Variants in GREB1L observed in about 807,000 individuals in gnomAD.
GREB1L encodes GREB1-like protein.
In GREB1L, 17 loss-of-function variants were observed where a neutral mutation model predicts 200.8. That is an observed-to-expected ratio of 0.08 (90% confidence interval 0.06 to 0.13). GREB1L has a LOEUF of 0.13. Among genes scored for constraint, GREB1L ranks in the 10% least tolerant of loss-of-function variants. The pLI, the probability that GREB1L is intolerant of heterozygous loss-of-function variation, is 1.00. For missense variants in GREB1L, 1,657 were observed against 2,367.7 expected (o/e 0.70, Z 6.23); for synonymous variants, 789 against 893.0 (o/e 0.88, Z 2.08).
chr18:21,412,037 G>A (rs2031094262), intron 7 of GREB1L, among the ~76,000 whole-genome samples: 1 of 134,412 alleles, frequency 7.4e-6, no homozygotes, highest in South Asian at 2.4e-4. Context: ...GGGCGACAGA[G>A]CGAGACTCCG....
intron 1 of GREB1L, among the ~76,000 whole-genome samples, chr18:21,275,490 C>T (rs1271180076): frequency 2.0e-5 from 3 of 151,718 alleles, no homozygotes; most frequent in Non-Finnish European, 2.9e-5. Context: ...CTCATCTCTA[C>T]TAAAAATGCA....
intron 27 of GREB1L, among the ~76,000 whole-genome samples, chr18:21,512,176 C>T (rs749912639): frequency 2.6e-5 from 4 of 152,158 alleles, no homozygotes; most frequent in Admixed American, 6.5e-5. Context: ...TATTTGGGGT[C>T]CCCTGAGATA....
At chr18:21,290,824 CA>C (rs752840997) in intron 1 of GREB1L, among the ~76,000 whole-genome samples, 3,772 of 63,222 alleles carry the variant, frequency 0.06, 115 homozygotes, top group African/African-American at 0.17. Context: ...GACTCTGTCT[CA>C]AAAAAAAAAA....
intron 11 of GREB1L, among the ~76,000 whole-genome samples, chr18:21,446,127 C>T (rs2034204272): frequency 6.6e-6 from 1 of 152,190 alleles, no homozygotes; most frequent in African/African-American, 2.4e-5. Context: ...CATGTTCAAG[C>T]AATTCTCATG....
In GREB1L at chr18:21,525,402, T is replaced by TATC. The variant is rs1022707463; in HGVS notation, c.*2582_*2584dup. ...TTTAATTTGCTTAATGTATTAAAGT[T>TATC]ATCTCCCACCCCCTCCAAAAAGTTA... is the stretch of plus-strand genomic sequence containing the variant. On this transcript the variant is annotated 3_prime_UTR_variant, in exon 33 of 33. Transcript: ENST00000424526. 6 of 152,152 alleles carry TATC rather than the reference T, an allele frequency of 3.9e-5. No homozygotes were observed. The highest frequency in any genetic ancestry group is 1.4e-4 in the African/African-American group (6 of 41,440). 9.4% of individuals were successfully genotyped at this position (152,152 alleles called of 1,614,324 possible).
chr18:21,370,085 G>A (rs368819556), intron 2 of GREB1L, among the ~76,000 whole-genome samples: 84 of 152,210 alleles, frequency 5.5e-4, no homozygotes, highest in African/African-American at 1.9e-3. Context: ...TCAGCAAAAG[G>A]ATGAATAAAA....
In GREB1L at chr18:21,346,075, C is replaced by T. The variant is rs7234615; in HGVS notation, c.-119-19952C>T. ...CTCGTTGAATGAGAAAATGAGGTAG[C>T]GGCATGCCTAGATTAAGCTACTGAC... On this transcript the variant is annotated intron_variant, in intron 1 of 32. Transcript: ENST00000424526. Among the ~76,000 whole-genome samples, 1,206 of 152,052 alleles carry T rather than the reference C, an allele frequency of 7.9e-3. 13 individuals carry two copies. The highest frequency in any genetic ancestry group is 0.028 in the African/African-American group (1,154 of 41,456).
chr18:21,262,979 T>C (rs1431274564), intron 1 of GREB1L, among the ~76,000 whole-genome samples: 1 of 152,232 alleles, frequency 6.6e-6, no homozygotes, highest in African/African-American at 2.4e-5. Context: ...GACATTCTGC[T>C]TTAACAAATT....
intron 15 of GREB1L, among the ~76,000 whole-genome samples, chr18:21,467,508 A>G (rs936221610): frequency 3.9e-5 from 6 of 152,244 alleles, no homozygotes; most frequent in Non-Finnish European, 8.8e-5. Flanking sequence ...CTCATTAGCC[A>G]TTGGAGAAAT....
rs1280082239 is a variant in GREB1L at position 21,473,098 on chromosome 18, T to C, written c.2250T>C (p.Val750=). ...TAHQRAEKYV[V]RLDNEIQTKF... ...ATCAGAGAGCAGAAAAATATGTTGT[T>C]CGTCTAGACAATGAGATTCAAACCA... Residue 750 remains valine, a synonymous_variant, in exon 16 of 33, where the codon GTT becomes GTC. Transcript: ENST00000424526. 4 of 1,551,096 alleles carry C rather than the reference T, an allele frequency of 2.6e-6. No homozygotes were observed. In the South Asian group the frequency reaches 4.8e-5, roughly 18 times the overall value.
At chr18:21,455,609 G>C (rs1031157589) in intron 15 of GREB1L, among the ~76,000 whole-genome samples, 6 of 151,626 alleles carry the variant, frequency 4.0e-5, no homozygotes, top group African/African-American at 1.5e-4. Context: ...CTTGAACCCG[G>C]AAGGCAGAGG....
chr18:21,467,919 G>A (rs1598888235), intron 15 of GREB1L, among the ~76,000 whole-genome samples: 1 of 151,896 alleles, frequency 6.6e-6, no homozygotes, highest in African/African-American at 2.4e-5. Flanking sequence ...CAGCTACTCA[G>A]GAGGCTGAGG....
intron 1 of GREB1L, among the ~76,000 whole-genome samples, chr18:21,325,722 G>A (rs1158772553): frequency 6.7e-6 from 1 of 150,204 alleles, no homozygotes; most frequent in African/African-American, 2.4e-5. Flanking sequence ...GCTGAGGTGG[G>A]AGGATCAGTT....
chr18:21,342,148 T>C (rs1285981799), intron 1 of GREB1L, among the ~76,000 whole-genome samples: 1 of 152,206 alleles, frequency 6.6e-6, no homozygotes. Flanking sequence ...AATTTCAGAC[T>C]GATTGATGGC....
intron 1 of GREB1L, among the ~76,000 whole-genome samples, chr18:21,297,161 C>T (rs1048111426): frequency 1.3e-5 from 2 of 152,122 alleles, no homozygotes; most frequent in African/African-American, 4.8e-5. Context: ...TTTGCATTTT[C>T]ACAAGATCCC....
At chr18:21,253,828 C>CTTTT (rs34861643) in intron 1 of GREB1L, among the ~76,000 whole-genome samples, 11 of 115,818 alleles carry the variant, frequency 9.5e-5, no homozygotes, top group African/African-American at 3.5e-4. Flanking sequence ...GACTTCCAGG[C>CTTTT]TTTTTTTTTT....
intron 2 of GREB1L, among the ~76,000 whole-genome samples, chr18:21,374,781 T>C (rs1301216218): frequency 6.6e-6 from 1 of 152,074 alleles, no homozygotes; most frequent in East Asian, 1.9e-4. Context: ...GAAACTTTTA[T>C]TAAAACCCCA....
At chr18:21,473,251 C>T in intron 16 of GREB1L, 40 bp downstream of exon 16, 1 of 1,376,932 alleles carries the variant, frequency 7.3e-7, no homozygotes. Context: ...CTCCCTTCTA[C>T]AGGAATAATT....
chr18:21,479,301 G>C (rs1174103664), intron 17 of GREB1L, among the ~76,000 whole-genome samples: 3 of 152,206 alleles, frequency 2.0e-5, no homozygotes, highest in African/African-American at 7.2e-5. Context: ...TCACACCCCA[G>C]TGATAGGAAG....
Sources: gnomAD v4.1 joint callset for allele counts (sites outside exome capture counted in the v4.1 genomes callset) on GRCh38, gnomAD v4.1.1 for gene constraint, MANE v1.5 for transcripts, NCBI Gene and HGNC (gene_info 2026-07-23, HGNC 2026-07-21) for gene names.